The following WNT2B variants were observed in gnomAD, a reference collection of about 807,000 sequenced individuals.
WNT2B encodes Wnt family member 2B.
In WNT2B, 19 loss-of-function variants were observed where a neutral mutation model predicts 40.5. That is an observed-to-expected ratio of 0.47 (90% CI 0.33 to 0.69). WNT2B has a LOEUF of 0.69. WNT2B is among the 30% of genes least tolerant of loss of function. The probability of loss-of-function intolerance (pLI) is 0.02; values close to 1 mark genes in which losing one functional copy is unlikely to be tolerated. For synonymous variants in WNT2B, 220 were observed against 211.9 expected, an observed-to-expected ratio of 1.04 and a Z score of -0.33; for missense variants, 467 against 556.4, an observed-to-expected ratio of 0.84 and a Z score of 1.62.
chr1:112,491,459 G>T (rs750792414), intron 1 of WNT2B, among the ~76,000 whole-genome samples: 13 of 152,130 alleles, frequency 8.5e-5, no homozygotes, highest in Non-Finnish European at 1.6e-4. Context: ...AAGAGGCTAA[G>T]AACATGTTGA....
At position 112,513,291 on chromosome 1, in the gene WNT2B, G is replaced by A. The variant is rs574984082; in HGVS notation, c.183-1583G>A. 5.3e-5 allele frequency among the ~76,000 whole-genome samples: 8 copies of A among 152,278 alleles called. No homozygotes were observed. In the South Asian group the frequency reaches 6.2e-4, roughly 12 times the overall value. On this transcript the variant is annotated intron_variant, in intron 1 of 4. Transcript: ENST00000369684. Reference sequence around the variant, plus strand: ...GGGCTGTGCGTCAGGCAGCCTTTCCGGCCTGGCCCTGTCTGGGGTGTTTAT... The same window carrying A: ...GGGCTGTGCGTCAGGCAGCCTTTCCAGCCTGGCCCTGTCTGGGGTGTTTAT...
At chr1:112,506,979 C>T (rs2101078914), upstream of WNT2B, among the ~76,000 whole-genome samples, 2 of 152,304 alleles carry the variant, frequency 1.3e-5, no homozygotes, top group South Asian at 4.1e-4. Flanking sequence ...CATCTGAATT[C>T]TCTTCCTCCA....
chr1:112,517,632 C>T (rs1469965891), intron 4 of WNT2B, among the ~76,000 whole-genome samples: 4 of 152,218 alleles, frequency 2.6e-5, no homozygotes, highest in African/African-American at 7.2e-5. Context: ...TGTATCCCAG[C>T]ATCTGGGATA....
chr1:112,490,551 A>G (rs543561114), intron 1 of WNT2B, among the ~76,000 whole-genome samples: 3,004 of 150,364 alleles, frequency 0.02, 111 homozygotes, highest in African/African-American at 0.068. Flanking sequence ...GTGCAGAGGC[A>G]GGATCTCAGC....
rs1014499245 is a variant in WNT2B, at chr1:112,473,043, G to A, written c.-95+5452G>A. Among the ~76,000 whole-genome samples, 8 of 95,606 alleles carry A rather than the reference G, an allele frequency of 8.4e-5. No individual in the cohort carries two copies. In the Admixed American group the frequency reaches 8.9e-4, roughly 11 times the overall value. 62.7% of individuals were successfully genotyped at this position (95,606 alleles called of 152,430 possible). A position where few individuals can be genotyped will look rare whatever the true frequency, so the allele number is the denominator to read the frequency against. On this transcript the variant is annotated intron_variant, in intron 1 of 4. Transcript: ENST00000256640. ...AGAGGGAAGGAGGGAGAAAGGGAGA[G>A]GGAGAGGAAAGAAAAAGGAAAGGAA...
At chr1:112,471,643 C>T (rs1156289585) in intron 1 of WNT2B, among the ~76,000 whole-genome samples, 1 of 152,162 alleles carries the variant, frequency 6.6e-6, no homozygotes, top group African/African-American at 2.4e-5. Context: ...AGGAATACTC[C>T]CATCAATCCA....
chr1:112,521,327 TTTTTC>T lies in WNT2B; in HGVS notation c.*831_*835del, dbSNP rs1254207213. ...TTGTGTTGCCTTTTTTTTTTTTTTT[TTTTTC>T]TTTTCTTTTCTTCTCTTCCCATGCA... On this transcript the variant is annotated 3_prime_UTR_variant, in exon 5 of 5. Coordinates refer to ENST00000369684, the MANE Select transcript of WNT2B (RefSeq NM_024494.3). 1 of 147,118 alleles carries T rather than the reference TTTTTC, an allele frequency of 6.8e-6. No individual in the cohort carries two copies. Among genetic ancestry groups the T allele is most frequent in the Non-Finnish European group, 1.5e-5 (1 of 66,968 alleles). 9.1% of individuals were successfully genotyped at this position (147,118 alleles called of 1,614,324 possible). A position where few individuals can be genotyped will look rare whatever the true frequency, so the allele number is the denominator to read the frequency against.
At chr1:112,508,753 C>T (rs933135111), upstream of WNT2B, 5 of 986,340 alleles carry the variant, frequency 5.1e-6, no homozygotes, top group Non-Finnish European at 6.0e-6. The surrounding 1 kb of genome is among the most constrained non-coding windows in gnomAD (Gnocchi z 4.2). Flanking sequence ...AGGAGGGAGC[C>T]GCGGCGTCCC....
At position 112,525,905 on chromosome 1, in the gene WNT2B, A is replaced by G. The variant is rs1195274794; in HGVS notation, c.*5396A>G. ...TTTCATATGCAAAATGCTTTAGCAT[A>G]TATGTAATCCTCACAACAACCCTGT... On this transcript the variant is annotated 3_prime_UTR_variant, in exon 5 of 5. Coordinates refer to ENST00000369684, the MANE Select transcript of WNT2B (RefSeq NM_024494.3). 7 of 1,456,984 alleles carry G rather than the reference A, an allele frequency of 4.8e-6. No individual in the cohort carries two copies. In the East Asian group the frequency reaches 1.2e-4, roughly 25 times the overall value. The allele number at this position is 1,456,984 out of a possible 1,614,324, so 90.3% of individuals were successfully genotyped here. A position where few individuals can be genotyped will look rare whatever the true frequency, so the allele number is the denominator to read the frequency against.
chr1:112,507,231 T>C (rs1268534119), upstream of WNT2B, among the ~76,000 whole-genome samples: 1 of 152,164 alleles, frequency 6.6e-6, no homozygotes, highest in Non-Finnish European at 1.5e-5. Context: ...CCACTGCACT[T>C]ACTACTTTTT....
At chr1:112,483,555 T>C (rs1032757285) in intron 1 of WNT2B, among the ~76,000 whole-genome samples, 11 of 143,106 alleles carry the variant, frequency 7.7e-5, no homozygotes, top group Admixed American at 1.4e-4. Flanking sequence ...ATTTTCTTGA[T>C]ATTGGCCTGG....
intron 1 of WNT2B, among the ~76,000 whole-genome samples, chr1:112,503,213 C>A (rs1247166811): frequency 6.6e-5 from 10 of 152,112 alleles, no homozygotes; most frequent in Non-Finnish European, 4.4e-5. Flanking sequence ...TGGGATACTG[C>A]AGTCCTGACT....
chr1:112,475,472 A>T (rs1466865702), intron 1 of WNT2B, among the ~76,000 whole-genome samples: 2 of 152,220 alleles, frequency 1.3e-5, no homozygotes, highest in African/African-American at 4.8e-5. Context: ...TTAAATATTT[A>T]AATCTCTCTA....
intron 1 of WNT2B, among the ~76,000 whole-genome samples, chr1:112,473,994 G>T (rs1331686968): frequency 6.7e-6 from 1 of 149,894 alleles, no homozygotes; most frequent in Non-Finnish European, 1.5e-5. Context: ...GAACCCAGGA[G>T]GCAGAGCTTG....
At chr1:112,471,786 C>G (rs2101048105) in intron 1 of WNT2B, among the ~76,000 whole-genome samples, 1 of 152,232 alleles carries the variant, frequency 6.6e-6, no homozygotes, top group East Asian at 1.9e-4. Context: ...ATATGTGGAG[C>G]CAGAACACAT....
rs896074424 is a variant in WNT2B, at chr1:112,514,853, A to C, written c.183-21A>C. The C allele has an allele frequency of 1.9e-6, 3 of 1,613,210 alleles. No individual in the cohort carries two copies. In the East Asian group the frequency reaches 6.7e-5, roughly 36 times the overall value. ...AGAAAAAGGTCTGGGATGTTCTGACAGGGCCATCTCTGCCTTGCAGGTACA... is the reference window on the plus strand; with the variant it reads ...AGAAAAAGGTCTGGGATGTTCTGACCGGGCCATCTCTGCCTTGCAGGTACA... On this transcript the variant is annotated intron_variant, in intron 1 of 4. Transcript: ENST00000369684.
At chr1:112,472,651 A>G (rs1650916899) in intron 1 of WNT2B, among the ~76,000 whole-genome samples, 1 of 152,134 alleles carries the variant, frequency 6.6e-6, no homozygotes, top group Non-Finnish European at 1.5e-5. Flanking sequence ...GAAAACAAAA[A>G]TGTCCAGCAG....
At chr1:112,479,193 C>T (rs2101054037) in intron 1 of WNT2B, among the ~76,000 whole-genome samples, 1 of 151,770 alleles carries the variant, frequency 6.6e-6, no homozygotes, top group Admixed American at 6.6e-5. Context: ...TGCACTCCAG[C>T]CTGGGTGACA....
At chr1:112,490,640 T>A (rs530730001) in intron 1 of WNT2B, among the ~76,000 whole-genome samples, 4 of 151,838 alleles carry the variant, frequency 2.6e-5, no homozygotes, top group Non-Finnish European at 4.4e-5. Context: ...CCGGCGCCCA[T>A]CACCACACCC....
Sources: allele counts gnomAD v4.1 joint callset (sites outside exome capture counted in the v4.1 genomes callset), GRCh38; gene constraint gnomAD v4.1.1; non-coding constraint Gnocchi (gnomAD v3.1); transcripts MANE v1.5; gene names NCBI Gene and HGNC (gene_info 2026-07-23, HGNC 2026-07-21).